Variants in MARCHF5 observed in about 807,000 individuals in gnomAD.
MARCHF5 encodes E3 ubiquitin-protein ligase MARCHF5.
Under a neutral mutation model 36.5 loss-of-function variants are expected in MARCHF5, and 5 were observed. The observed-to-expected ratio is 0.14, with a 90% CI of 0.07 to 0.29. The LOEUF (loss-of-function observed/expected upper bound fraction) is 0.29, where lower values mean the gene tolerates loss of function less well. Among genes scored for constraint, MARCHF5 ranks in the 10% least tolerant of loss-of-function variants. The pLI, the probability that MARCHF5 is intolerant of heterozygous loss-of-function variation, is 1.00. For missense variants in MARCHF5, 179 were observed against 336.3 expected (o/e 0.53, Z 3.66); for synonymous variants, 103 against 109.9 (o/e 0.94, Z 0.39).
intron 3 of MARCHF5, among the ~76,000 whole-genome samples, chr10:92,342,283 G>A (rs910796944): frequency 1.3e-5 from 2 of 151,824 alleles, no homozygotes; most frequent in Admixed American, 1.3e-4. Context: ...CAAGTAGCTG[G>A]GACTACAGGC....
intron 2 of MARCHF5, among the ~76,000 whole-genome samples, chr10:92,315,816 A>G (rs1843202752): frequency 6.6e-6 from 1 of 152,222 alleles, no homozygotes; most frequent in Non-Finnish European, 1.5e-5. Context: ...CATGATGTGG[A>G]AGTATGTTAG....
rs1352614100 is a variant in MARCHF5 at position 92,319,366 on chromosome 10, A to G, written c.238+8029A>G. Among the ~76,000 whole-genome samples, 3 of 140,276 alleles carry G rather than the reference A, an allele frequency of 2.1e-5. No individual in the cohort carries two copies. The East Asian group carries it at 6.5e-4, about 31-fold the overall frequency. The allele number at this position is 140,276 out of a possible 152,430, so 92.0% of individuals were successfully genotyped here. A position where few individuals can be genotyped will look rare whatever the true frequency, so the allele number is the denominator to read the frequency against. ...GCTGGAGTGCAGTGGCGCGATCTCG[A>G]CTCACTGCAAGCTCCGCCTCCCGGG... On this transcript the variant is annotated intron_variant, in intron 2 of 5. Transcript: ENST00000358935.
rs1013661937 is a variant in MARCHF5 at position 92,332,464 on chromosome 10, A to G, written c.239-8209A>G. On this transcript the variant is annotated intron_variant, in intron 2 of 5. Transcript: ENST00000358935. ...AGTGTAGTGTTTAAAACAGTGGGGA[A>G]TGCTAGAGAAAGAGGTAAAACTCTT... is the stretch of plus-strand genomic sequence containing the variant. Among the ~76,000 whole-genome samples, 14 of 150,886 alleles carry G rather than the reference A, an allele frequency of 9.3e-5. 1 individual carries two copies. Among genetic ancestry groups the G allele is most frequent in the Admixed American group, 9.2e-4 (14 of 15,142 alleles).
At chr10:92,347,530 TATATA>T (rs1208308682) in intron 3 of MARCHF5, among the ~76,000 whole-genome samples, 2 of 76,878 alleles carry the variant, frequency 2.6e-5, no homozygotes, top group African/African-American at 1.1e-4. Context: ...AGATGATAGA[TATATA>T]GATAGATAGA....
chr10:92,351,936 G>GTGTGTGTGTA lies in MARCHF5; in HGVS notation c.*732_*733insGTGTGTATGT, dbSNP rs1182258125. The GTGTGTGTGTA allele has an allele frequency of 6.7e-6, 1 of 149,998 alleles. No individual in the cohort carries two copies. Among genetic ancestry groups the GTGTGTGTGTA allele is most frequent in the African/African-American group, 2.5e-5 (1 of 39,728 alleles). 9.3% of individuals were successfully genotyped at this position (149,998 alleles called of 1,614,324 possible). ...TGTGTGTGTGTGTGTGTGTGTGTGTGTGTATTTGTGTGTTTCAGTGTTTCA... is the reference window on the plus strand; with the variant it reads ...TGTGTGTGTGTGTGTGTGTGTGTGTGTGTGTGTGTATGTATTTGTGTGTTTCAGTGTTTCA... On this transcript the variant is annotated 3_prime_UTR_variant, in exon 6 of 6. Coordinates refer to ENST00000358935, the MANE Select transcript of MARCHF5 (RefSeq NM_017824.5).
At chr10:92,348,262 G>T (rs1217029388) in intron 3 of MARCHF5, among the ~76,000 whole-genome samples, 1 of 151,810 alleles carries the variant, frequency 6.6e-6, no homozygotes, top group African/African-American at 2.4e-5. Context: ...GCCGAGGCAG[G>T]CTGATCACCT....
intron 3 of MARCHF5, among the ~76,000 whole-genome samples, chr10:92,344,170 A>T (rs1843613239): frequency 6.6e-6 from 1 of 152,228 alleles, no homozygotes; most frequent in Non-Finnish European, 1.5e-5. Context: ...AACACAAATA[A>T]ATTGAAAACT....
intron 3 of MARCHF5, among the ~76,000 whole-genome samples, chr10:92,347,039 A>G (rs1843652461): frequency 1.3e-5 from 2 of 152,182 alleles, no homozygotes; most frequent in Admixed American, 1.3e-4. Flanking sequence ...GAAATTTTTA[A>G]TGATATAAAA....
chr10:92,344,925 A>G (rs935451208), intron 3 of MARCHF5, among the ~76,000 whole-genome samples: 4 of 152,118 alleles, frequency 2.6e-5, no homozygotes, highest in Admixed American at 2.6e-4. Context: ...ATTGTTATAA[A>G]TTATTCCTAG....
chr10:92,291,288 C>T lies in MARCHF5; in HGVS notation c.-207C>T, dbSNP rs1448235950. ...GCCGCCTCCCCGCCTCAGGCTCCTC[C>T]TCCTCGCTCTCCGCCGCCTCCGCCG... On this transcript the variant is annotated 5_prime_UTR_variant, in exon 1 of 6. Transcript: ENST00000358935. 3 of 561,892 alleles carry T rather than the reference C, an allele frequency of 5.3e-6. No individual in the cohort carries two copies. Among genetic ancestry groups the T allele is most frequent in the Non-Finnish European group, 9.3e-6 (3 of 324,162 alleles). The allele number at this position is 561,892 out of a possible 1,614,324, so 34.8% of individuals were successfully genotyped here.
intron 3 of MARCHF5, among the ~76,000 whole-genome samples, chr10:92,348,310 G>A (rs759137329): frequency 6.6e-6 from 1 of 151,978 alleles, no homozygotes; most frequent in Non-Finnish European, 1.5e-5. Flanking sequence ...CCAACATGAT[G>A]AAACCTCGTC....
Position 92,322,244 on chromosome 10 carries a change from CAAAAAAAAAAAAAAAAAA to C in MARCHF5, c.238+10918_238+10935del, listed in dbSNP as rs56391697. Among the ~76,000 whole-genome samples the C allele has an allele frequency of 7.2e-5, 2 of 27,746 alleles. 1 individual carries two copies. The allele number at this position is 27,746 out of a possible 152,430, so 18.2% of individuals were successfully genotyped here. A position where few individuals can be genotyped will look rare whatever the true frequency, so the allele number is the denominator to read the frequency against. On this transcript the variant is annotated intron_variant, in intron 2 of 5. Coordinates refer to ENST00000358935, the MANE Select transcript of MARCHF5 (RefSeq NM_017824.5). ...GGGCAACAAGAGCGAAACTCCGTCT[CAAAAAAAAAAAAAAAAAA>C]AAAAAAAAAAGATTTGTCAGAGTTT...
At chr10:92,314,946 C>T (rs1250833337) in intron 2 of MARCHF5, among the ~76,000 whole-genome samples, 1 of 152,182 alleles carries the variant, frequency 6.6e-6, no homozygotes. Flanking sequence ...ATTATATTCA[C>T]AATTTTCCAT....
chr10:92,337,695 T>C (rs999697744), intron 2 of MARCHF5, among the ~76,000 whole-genome samples: 2 of 150,834 alleles, frequency 1.3e-5, no homozygotes, highest in African/African-American at 4.9e-5. Context: ...CAGTAAAGAG[T>C]AGGGAGAAAT....
At chr10:92,295,852 T>TATAC (rs567073498) in intron 1 of MARCHF5, among the ~76,000 whole-genome samples, 11 of 152,150 alleles carry the variant, frequency 7.2e-5, no homozygotes, top group Admixed American at 3.9e-4. Flanking sequence ...TACGTATATA[T>TATAC]ATACATACAT....
chr10:92,331,266 C>T (rs1442423057), intron 2 of MARCHF5, among the ~76,000 whole-genome samples: 1 of 152,002 alleles, frequency 6.6e-6, no homozygotes, highest in Non-Finnish European at 1.5e-5. Context: ...TCTTAGCATG[C>T]CCTGCTTGGT....
chr10:92,303,167 T>C (rs1292615735), intron 1 of MARCHF5, among the ~76,000 whole-genome samples: 1 of 152,186 alleles, frequency 6.6e-6, no homozygotes, highest in African/African-American at 2.4e-5. Flanking sequence ...CTACATACTT[T>C]AAAAATAATT....
chr10:92,303,517 G>A (rs1019961160), intron 1 of MARCHF5, among the ~76,000 whole-genome samples: 1 of 151,796 alleles, frequency 6.6e-6, no homozygotes, highest in African/African-American at 2.4e-5. Context: ...CTTAATGCTT[G>A]GTATAGTGGT....
chr10:92,293,046 T>C (rs1184293856), intron 1 of MARCHF5, among the ~76,000 whole-genome samples: 1 of 152,092 alleles, frequency 6.6e-6, no homozygotes, highest in African/African-American at 2.4e-5. Flanking sequence ...TTGTAGTTAA[T>C]TTTTTTCCTT....
Sources: allele counts gnomAD v4.1 joint callset (sites outside exome capture counted in the v4.1 genomes callset), GRCh38; gene constraint gnomAD v4.1.1; transcripts MANE v1.5; gene names NCBI Gene and HGNC (gene_info 2026-07-23, HGNC 2026-07-21).